Variants in KIF21B observed in about 807,000 individuals in gnomAD.
KIF21B encodes kinesin family member 21B, also known as kinesin-like protein KIF21B.
In KIF21B, 85 loss-of-function variants were observed where a neutral mutation model predicts 192.9. The observed-to-expected ratio is 0.44, with a 90% CI of 0.37 to 0.53. The LOEUF is 0.53. Among genes scored for constraint, KIF21B ranks in the 20% least tolerant of loss-of-function variants. The probability of loss-of-function intolerance (pLI) is 0.00; values close to 1 mark genes in which losing one functional copy is unlikely to be tolerated. For synonymous variants in KIF21B, 832 were observed against 884.6 expected (o/e 0.94, Z 1.05); for missense variants, 1,716 against 2,194.8 (o/e 0.78, Z 4.36).
At chr1:200,976,160 G>A (rs576440806) in intron 32 of KIF21B, among the ~76,000 whole-genome samples, 16 of 152,234 alleles carry the variant, frequency 1.1e-4, no homozygotes, top group African/African-American at 3.4e-4. Context: ...GTGCAAACTC[G>A]GCTCACTGCA....
chr1:200,990,853 G>A lies in KIF21B; in HGVS notation c.2687+64C>T. The A allele has an allele frequency of 6.2e-7, 1 of 1,602,666 alleles. No homozygotes were observed. The highest frequency in any genetic ancestry group is 8.5e-7 in the Non-Finnish European group (1 of 1,170,894). On this transcript the variant is annotated intron_variant, in intron 18 of 34. Transcript: ENST00000461742. This position sits in a 1 kb window ranked among gnomAD's most constrained non-coding sequence, Gnocchi z 5.4. ...CCAGAGCTTCCCTCTTCCTCACCCT[G>A]GCCCTGCCCCATATTCCCACCCCCT...
At chr1:200,986,250 C>CAAGCCACTATA (rs1185360573) in intron 26 of KIF21B, among the ~76,000 whole-genome samples, 1 of 152,148 alleles carries the variant, frequency 6.6e-6, no homozygotes, top group African/African-American at 2.4e-5. Flanking sequence ...ATGACTAATC[C>CAAGCCACTATA]AAGCCACTAC....
chr1:200,980,095 T>A (rs1259619952), intron 29 of KIF21B, among the ~76,000 whole-genome samples: 4 of 152,196 alleles, frequency 2.6e-5, no homozygotes, highest in Non-Finnish European at 5.9e-5. Flanking sequence ...TGCAAGCAAA[T>A]GTTATGGGAA....
Position 200,979,671 on chromosome 1 carries a change from C to A in KIF21B, c.4024G>T (p.Ala1342Ser), listed in dbSNP as rs761419541. ...TTGTTGGGGTGGCCCTTTAGAGCTG[C>A]GATCTCCTGTCCCGTAACCAAGTTC... The part of the protein sequence containing the change: ...MWNLVTGQEI[A>S]ALKGHPNNVV... Residue 1342 changes from alanine to serine, a missense_variant, in exon 30 of 35, where the codon GCA (alanine) becomes TCA (serine). Physicochemically the swap from Ala to Ser is moderately conservative, Grantham distance 99. Coordinates refer to ENST00000461742, the MANE Select transcript of KIF21B (RefSeq NM_001252102.2). The A allele has an allele frequency of 6.3e-7, 1 of 1,577,602 alleles. No individual in the cohort carries two copies. Among genetic ancestry groups the A allele is most frequent in the African/African-American group, 1.4e-5 (1 of 73,098 alleles).
chr1:201,002,361 G>T lies in KIF21B; in HGVS notation c.1213-11C>A. On this transcript the variant is annotated splice_polypyrimidine_tract_variant and intron_variant, in intron 8 of 34. Coordinates refer to ENST00000461742, the MANE Select transcript of KIF21B (RefSeq NM_001252102.2). Reference sequence around the variant, plus strand: ...TATCACTCGCTTGCCCTGGGAGCAGGGGCAAAGGGGAGCAGTCAGGCAGCA... The same window carrying T: ...TATCACTCGCTTGCCCTGGGAGCAGTGGCAAAGGGGAGCAGTCAGGCAGCA... 1 of 1,606,656 alleles carries T rather than the reference G, an allele frequency of 6.2e-7. No homozygotes were observed. The highest frequency in any genetic ancestry group is 8.5e-7 in the Non-Finnish European group (1 of 1,173,822).
chr1:200,994,847 C>T (rs1362322808), intron 15 of KIF21B, among the ~76,000 whole-genome samples: 1 of 152,230 alleles, frequency 6.6e-6, no homozygotes, highest in African/African-American at 2.4e-5. Context: ...CCCACCAGCC[C>T]CTCCCTCTAA....
intron 27 of KIF21B, among the ~76,000 whole-genome samples, chr1:200,983,350 C>T (rs377540186): frequency 1.5e-3 from 222 of 152,128 alleles, no homozygotes; most frequent in African/African-American, 5.2e-3. Context: ...GAGGGGGCCA[C>T]GGGGAGATGT....
At chr1:201,014,777 G>T (rs1658413804) in intron 1 of KIF21B, among the ~76,000 whole-genome samples, 2 of 152,208 alleles carry the variant, frequency 1.3e-5, no homozygotes, top group African/African-American at 4.8e-5. Flanking sequence ...TTTACACTGA[G>T]GTCCCCATTG....
In KIF21B at chr1:201,004,431, C is replaced by T. The variant is rs182269799; in HGVS notation, c.925G>A (p.Ala309Thr). ...GLLALGNVIS[A>T]LGDQSKKVVH... ...ACCTTCTTGCTCTGGTCCCCTAAGG[C>T]GCTGATCACATTGCCCAAGGCCAGC... The change falls in exon 7 of 35, where the codon GCC becomes ACC. Residue 309 changes from alanine to threonine, a missense_variant. Transcript: ENST00000461742. 1.5e-5 allele frequency: 24 copies of T among 1,578,426 alleles called. No homozygotes were observed. Among genetic ancestry groups the T allele is most frequent in the South Asian group, 4.6e-5 (4 of 86,132 alleles).
At chr1:200,974,343 G>A in intron 34 of KIF21B, 1 of 951,542 alleles carries the variant, frequency 1.1e-6, no homozygotes, top group South Asian at 1.8e-5. Context: ...CACACAGGGG[G>A]CCAGAGCGGG....
At chr1:201,002,065 G>A in intron 9 of KIF21B, 96 bp downstream of exon 9, 1 of 1,073,746 alleles carries the variant, frequency 9.3e-7, no homozygotes. Context: ...TGAATTGACT[G>A]GCTGGCTTAG....
chr1:201,003,858 C>T, intron 7 of KIF21B, 77 bp from the exon 8 acceptor site: 4 of 1,441,066 alleles, frequency 2.8e-6, no homozygotes, highest in Non-Finnish European at 3.9e-6. Context: ...GGTAGAGGTC[C>T]TGCTCCCATC....
Position 201,003,656 on chromosome 1 carries a change from G to A in KIF21B, c.1142C>T (p.Thr381Ile), listed in dbSNP as rs1404410053. The A allele has an allele frequency of 1.2e-6, 2 of 1,614,106 alleles. No individual in the cohort carries two copies. Among genetic ancestry groups the A allele is most frequent in the African/African-American group, 2.7e-5 (2 of 74,928 alleles). The change falls in exon 8 of 35, where the codon ACC becomes ATC. Residue 381 changes from threonine to isoleucine, a missense_variant. By Grantham distance (89) the Thr-to-Ile change is moderately conservative (BLOSUM62 -1). Transcript: ENST00000461742. The stretch of plus-strand genomic sequence containing the variant: ...CCGCAGTGCACTGATTTGCTGGCTG[G>A]TCTTGTCCTGGTTCACTACCACCTT... ...KNKVVVNQDK[T>I]SQQISALRAE...
At chr1:201,003,417 A>G (rs932991224) in intron 8 of KIF21B, 169 bp downstream of exon 8, 32 of 679,810 alleles carry the variant, frequency 4.7e-5, no homozygotes, top group Non-Finnish European at 7.3e-5. Context: ...AATAGTAAGC[A>G]GCATGCCTGG....
chr1:200,995,434 A>G (rs567586881), intron 15 of KIF21B, among the ~76,000 whole-genome samples: 1 of 152,276 alleles, frequency 6.6e-6, no homozygotes, highest in Admixed American at 6.5e-5. Context: ...GGGAGCATGG[A>G]TCTGCTGAGC....
intron 34 of KIF21B, chr1:200,974,278 A>G: frequency 6.8e-7 from 1 of 1,460,966 alleles, no homozygotes; most frequent in Non-Finnish European, 9.2e-7. Flanking sequence ...AAGTCGGAAC[A>G]AGAAAGAAAG....
At chr1:201,006,903 CAG>C (rs1440975018) in intron 3 of KIF21B, among the ~76,000 whole-genome samples, 1 of 145,050 alleles carries the variant, frequency 6.9e-6, no homozygotes, top group African/African-American at 2.6e-5. Context: ...CACACACACA[CAG>C]AGACAGACAC....
At chr1:200,994,453 A>G (rs1656922673) in intron 15 of KIF21B, among the ~76,000 whole-genome samples, 1 of 152,244 alleles carries the variant, frequency 6.6e-6, no homozygotes, top group Admixed American at 6.5e-5. Context: ...TCCTGGGATG[A>G]CCCAAGGGTG....
rs1017722233 is a variant in KIF21B, at chr1:200,973,136, G to A, written c.*385C>T. 3 of 195,832 alleles carry A rather than the reference G, an allele frequency of 1.5e-5. No individual in the cohort carries two copies. Among genetic ancestry groups the A allele is most frequent in the African/African-American group, 2.3e-5 (1 of 43,168 alleles). 12.1% of individuals were successfully genotyped at this position (195,832 alleles called of 1,614,324 possible). On this transcript the variant is annotated 3_prime_UTR_variant, in exon 35 of 35. Coordinates refer to ENST00000461742, the MANE Select transcript of KIF21B (RefSeq NM_001252102.2). ...GAGAAGCGGGGAGGCCAGCTCCTCG[G>A]AAGGGTGGGATGGGGCCAGGCTGCT...
Sources: allele counts gnomAD v4.1 joint callset (sites outside exome capture counted in the v4.1 genomes callset), GRCh38; gene constraint gnomAD v4.1.1; non-coding constraint Gnocchi (gnomAD v3.1); transcripts MANE v1.5; gene names NCBI Gene and HGNC (gene_info 2026-07-23, HGNC 2026-07-21).